The following RARB variants were observed in gnomAD, a reference collection of about 807,000 sequenced individuals.
RARB encodes HBV-activated protein.
RARB carries 17 observed loss-of-function variants against 51.9 expected under a neutral mutation model. The ratio of observed to expected loss-of-function variants is 0.33; its 90% CI spans 0.22 to 0.49. RARB has a LOEUF of 0.49. RARB is among the 20% of genes least tolerant of loss of function. The pLI is 0.99. For synonymous variants in RARB, 215 were observed against 195.4 expected (o/e 1.10, Z -0.84); for missense variants, 369 against 550.8 (o/e 0.67, Z 3.30).
intron 2 of RARB, among the ~76,000 whole-genome samples, chr3:24,904,355 A>G (rs1045935273): frequency 1.3e-5 from 2 of 152,218 alleles, no homozygotes; most frequent in Non-Finnish European, 2.9e-5. Context: ...GCCAAAGGAT[A>G]TGAACAGACA....
At chr3:25,340,246 A>T (rs190764811) in intron 5 of RARB, among the ~76,000 whole-genome samples, 76 of 152,216 alleles carry the variant, frequency 5.0e-4, no homozygotes, top group Non-Finnish European at 4.4e-5. Flanking sequence ...ACTTTATTGT[A>T]CTTCTATACT....
chr3:25,009,685 C>T (rs572233747), intron 2 of RARB, among the ~76,000 whole-genome samples: 28 of 152,208 alleles, frequency 1.8e-4, no homozygotes, highest in Admixed American at 2.0e-4. Flanking sequence ...TCCAACCTTA[C>T]CACAGCTGAC....
chr3:24,879,451 TAAAA>T (rs1183461595), intron 2 of RARB, among the ~76,000 whole-genome samples: 36 of 143,734 alleles, frequency 2.5e-4, no homozygotes, highest in Admixed American at 1.8e-3. Flanking sequence ...AAATAAAAAA[TAAAA>T]AAATTGAGTT....
chr3:24,972,224 T>A (rs752540211), intron 2 of RARB, among the ~76,000 whole-genome samples: 1 of 152,142 alleles, frequency 6.6e-6, no homozygotes, highest in African/African-American at 2.4e-5. Flanking sequence ...CTCCCACATA[T>A]GAGTGAGAAC....
chr3:24,971,989 T>G (rs199572063), intron 2 of RARB, among the ~76,000 whole-genome samples: 21 of 71,082 alleles, frequency 3.0e-4, no homozygotes, highest in African/African-American at 9.0e-4. Flanking sequence ...TATTTATTTT[T>G]CTTTAGGAAC....
At chr3:25,170,850 A>C (rs1700632249) in intron 4 of RARB, among the ~76,000 whole-genome samples, 1 of 152,180 alleles carries the variant, frequency 6.6e-6, no homozygotes, top group South Asian at 2.1e-4. Flanking sequence ...AGATACAGGC[A>C]TAAATATTAA....
At chr3:25,205,577 A>T (rs995673535) in intron 5 of RARB, among the ~76,000 whole-genome samples, 9 of 151,916 alleles carry the variant, frequency 5.9e-5, no homozygotes, top group African/African-American at 2.2e-4. Flanking sequence ...AACCCACTGC[A>T]ATGTTTTTAA....
At chr3:25,286,399 T>C (rs1703658729) in intron 5 of RARB, among the ~76,000 whole-genome samples, 1 of 152,164 alleles carries the variant, frequency 6.6e-6, no homozygotes, top group Non-Finnish European at 1.5e-5. Flanking sequence ...AACTTGATCC[T>C]TCTCTTACAA....
rs186693718 is a variant in RARB, at chr3:25,383,333, A to T, written c.179-77860A>T. Among the ~76,000 whole-genome samples the T allele has an allele frequency of 4.6e-5, 7 of 152,338 alleles. No individual in the cohort carries two copies. In the East Asian group the frequency reaches 1.4e-3, roughly 29 times the overall value. ...TGCACAAGACGGTCTCTAGTTCTTCATCGTGGAAAGAGCATGGCTCCTCAG... is the reference window on the plus strand; with the variant it reads ...TGCACAAGACGGTCTCTAGTTCTTCTTCGTGGAAAGAGCATGGCTCCTCAG... On this transcript the variant is annotated intron_variant, in intron 5 of 11. Transcript: ENST00000383772.
intron 2 of RARB, among the ~76,000 whole-genome samples, chr3:24,913,143 GCT>G (rs1173817975): frequency 2.0e-5 from 3 of 151,560 alleles, no homozygotes. Context: ...ACCACGCCCG[GCT>G]AATTTTGTTT....
Position 25,352,656 on chromosome 3 carries a change from A to G in RARB, c.179-108537A>G, listed in dbSNP as rs184234765. 1.9e-3 allele frequency among the ~76,000 whole-genome samples: 291 copies of G among 152,284 alleles called. 2 individuals carry two copies. Among genetic ancestry groups the G allele is most frequent in the African/African-American group, 6.7e-3 (277 of 41,568 alleles). ...TTAGCTTATTGCTCATTTTTCTCAA[A>G]ATGGACCTATATCATGTCAGCAGGA... On this transcript the variant is annotated intron_variant, in intron 5 of 11. Transcript: ENST00000383772.
intron 4 of RARB, among the ~76,000 whole-genome samples, chr3:25,159,402 C>T (rs1417088339): frequency 9.6e-6 from 1 of 104,160 alleles, no homozygotes; most frequent in Non-Finnish European, 2.1e-5. Flanking sequence ...CTCCTGACCT[C>T]AGATGATCCA....
At chr3:25,163,974 T>C (rs1700519857) in intron 4 of RARB, among the ~76,000 whole-genome samples, 1 of 152,182 alleles carries the variant, frequency 6.6e-6, no homozygotes, top group South Asian at 2.1e-4. Flanking sequence ...AAATGGGTAC[T>C]GATTCCTCTC....
chr3:25,041,672 G>A (rs1483951357), intron 2 of RARB, among the ~76,000 whole-genome samples: 1 of 151,682 alleles, frequency 6.6e-6, no homozygotes, highest in Non-Finnish European at 1.5e-5. Context: ...TCCTCTCTTA[G>A]ATTCAGGGGT....
At chr3:24,911,752 A>G (rs1276867844) in intron 2 of RARB, among the ~76,000 whole-genome samples, 1 of 152,184 alleles carries the variant, frequency 6.6e-6, no homozygotes, top group Non-Finnish European at 1.5e-5. Flanking sequence ...CAGGAGTTCA[A>G]GATCAGCCTG....
At chr3:25,487,572 A>G (rs1015393437) in intron 2 of RARB, among the ~76,000 whole-genome samples, 8 of 152,026 alleles carry the variant, frequency 5.3e-5, no homozygotes, top group Admixed American at 6.5e-5. Flanking sequence ...ATGAGAGGCA[A>G]TGATTCAGAT....
At chr3:25,347,252 A>G (rs150154018) in intron 5 of RARB, among the ~76,000 whole-genome samples, 2 of 152,328 alleles carry the variant, frequency 1.3e-5, no homozygotes, top group African/African-American at 4.8e-5. Flanking sequence ...GGTGTAAGGG[A>G]GTTCTGAAAT....
chr3:25,467,729 G>A (rs1197159639), intron 2 of RARB, among the ~76,000 whole-genome samples: 3 of 152,172 alleles, frequency 2.0e-5, no homozygotes, highest in African/African-American at 7.2e-5. Flanking sequence ...GTTACATACC[G>A]TCTTCTATTA....
chr3:25,593,759 C>T lies in RARB; in HGVS notation c.991+52C>T, dbSNP rs547476372. On this transcript the variant is annotated intron_variant, in intron 6 of 7. Coordinates refer to ENST00000330688, the MANE Select transcript of RARB (RefSeq NM_000965.5). ...GAAATTCCATGAAGAACAGTTTATACTTGTAATTTGTGAAAAATTCCTCAT... is the reference window on the plus strand; with the variant it reads ...GAAATTCCATGAAGAACAGTTTATATTTGTAATTTGTGAAAAATTCCTCAT... 2.9e-5 allele frequency: 45 copies of T among 1,541,392 alleles called. No homozygotes were observed. In the South Asian group the frequency reaches 4.9e-4, roughly 17 times the overall value.
Sources: allele counts gnomAD v4.1 joint callset (sites outside exome capture counted in the v4.1 genomes callset), GRCh38; gene constraint gnomAD v4.1.1; transcripts MANE v1.5; gene names NCBI Gene and HGNC (gene_info 2026-07-23, HGNC 2026-07-21).